The following SGSH variants were observed in gnomAD, a reference collection of about 807,000 sequenced individuals.
The protein encoded by SGSH is heparan sulfate sulfatase.
SGSH carries 48 observed loss-of-function variants against 51.0 expected under a neutral mutation model. The ratio of observed to expected loss-of-function variants is 0.94; its 90% CI spans 0.75 to 1.20. SGSH has a LOEUF of 1.20. Ranked by LOEUF, SGSH falls within the 50% of genes most tolerant of loss-of-function variation. The probability of loss-of-function intolerance (pLI) is 0.00; values close to 1 mark genes in which losing one functional copy is unlikely to be tolerated. For synonymous variants in SGSH, 321 were observed against 313.4 expected, an observed-to-expected ratio of 1.02 and a Z score of -0.26; for missense variants, 662 against 717.8, an observed-to-expected ratio of 0.92 and a Z score of 0.89.
rs1043643087 is a variant in SGSH, at chr17:80,220,308, G to T, written c.6C>A (p.Ser2Arg). Residue 2 changes from serine to arginine, a missense_variant, in exon 1 of 8, where the codon AGC (serine) becomes AGA (arginine). Transcript: ENST00000326317. The stretch of plus-strand genomic sequence containing the variant: ...GCGCGCAGCAGGCGGGCACGGGGCA[G>T]CTCATGGCGGCGGCGGCTCGGACTC... M[S>R]CPVPACCALL... 6.7e-7 allele frequency: 1 copy of T among 1,493,666 alleles called. No individual in the cohort carries two copies. The highest frequency in any genetic ancestry group is 2.1e-5 in the Admixed American group (1 of 46,590). The allele number at this position is 1,493,666 out of a possible 1,614,324, so 92.5% of individuals were successfully genotyped here.
chr17:80,213,781 A>G lies in SGSH; in HGVS notation c.745+23T>C. The G allele has an allele frequency of 6.3e-7, 1 of 1,583,156 alleles. No individual in the cohort carries two copies. Among genetic ancestry groups the G allele is most frequent in the South Asian group, 1.1e-5 (1 of 87,346 alleles). On this transcript the variant is annotated intron_variant, in intron 6 of 7. Coordinates refer to ENST00000326317, the MANE Select transcript of SGSH (RefSeq NM_000199.5). This position sits in a 1 kb window ranked among gnomAD's most constrained non-coding sequence, Gnocchi z 4.6. ...GGACCCCGGCCGTGGCACCCCCTCC[A>G]GTGCCCGGTTCTGCAAGCCCACCTT... is the stretch of plus-strand genomic sequence containing the variant.
rs550813464 is a variant in SGSH, at chr17:80,218,451, G to C, written c.89-1259C>G. ...CCCTGCTCTGGAGTAGAGGACACTG[G>C]GGGCACCACAGGAGAGGCTGGTGGG... On this transcript the variant is annotated intron_variant, in intron 1 of 7. Coordinates refer to ENST00000326317, the MANE Select transcript of SGSH (RefSeq NM_000199.5). Among the ~76,000 whole-genome samples the C allele has an allele frequency of 2.0e-5, 3 of 152,314 alleles. No homozygotes were observed. The East Asian group carries it at 5.8e-4, about 29-fold the overall frequency.
At chr17:80,201,386 C>T in the SGSH span, 6 of 255,694 alleles carry the variant, frequency 2.3e-5, no homozygotes, top group African/African-American at 1.2e-4. This position sits in a 1 kb window ranked among gnomAD's most constrained non-coding sequence, Gnocchi z 5.0. Flanking sequence ...AGAATGATCC[C>T]AAGGCTAAGA....
chr17:80,216,671 C>G, intron 2 of SGSH: 1 of 292,846 alleles, frequency 3.4e-6, no homozygotes, highest in East Asian at 6.7e-5. Context: ...TGGCGGTTCA[C>G]GCTGAGTGAG....
At position 80,213,959 on chromosome 17, in the gene SGSH, C is replaced by T; in HGVS notation, c.664-74G>A. ...GCGGTGTCCAGCCTTCTCCCCGGGGCCTCCTGCAAATGGGTTAGCCCAGAA... is the reference window on the plus strand; with the variant it reads ...GCGGTGTCCAGCCTTCTCCCCGGGGTCTCCTGCAAATGGGTTAGCCCAGAA... On this transcript the variant is annotated intron_variant, in intron 5 of 7. Coordinates refer to ENST00000326317, the MANE Select transcript of SGSH (RefSeq NM_000199.5). The surrounding 1 kb of genome is among the most constrained non-coding windows in gnomAD (Gnocchi z 4.6). 6.9e-7 allele frequency: 1 copy of T among 1,449,258 alleles called. No homozygotes were observed. The highest frequency in any genetic ancestry group is 1.2e-5 in the South Asian group (1 of 83,504). The allele number at this position is 1,449,258 out of a possible 1,614,324, so 89.8% of individuals were successfully genotyped here.
Position 80,213,907 on chromosome 17 carries a change from C to T in SGSH, c.664-22G>A. 1 of 1,589,260 alleles carries T rather than the reference C, an allele frequency of 6.3e-7. No individual in the cohort carries two copies. The highest frequency in any genetic ancestry group is 8.5e-7 in the Non-Finnish European group (1 of 1,172,492). On this transcript the variant is annotated intron_variant, in intron 5 of 7. Transcript: ENST00000326317. The surrounding 1 kb of genome is among the most constrained non-coding windows in gnomAD (Gnocchi z 4.6). Reference sequence around the variant, plus strand: ...GCACCTGGGGCAGGCGGTGGGGAGCCAGGCTTAGAACAGACAGACCGGGGG... The same window carrying T: ...GCACCTGGGGCAGGCGGTGGGGAGCTAGGCTTAGAACAGACAGACCGGGGG...
intron 3 of SGSH, 110 bp from the exon 4 acceptor site, chr17:80,214,875 A>T: frequency 7.1e-7 from 1 of 1,401,468 alleles, no homozygotes; most frequent in Non-Finnish European, 9.9e-7. Flanking sequence ...GTGGACACAC[A>T]GCCCAGCCAG....
chr17:80,216,191 T>C (rs1050456296), intron 2 of SGSH, among the ~76,000 whole-genome samples: 1 of 151,838 alleles, frequency 6.6e-6, no homozygotes, highest in African/African-American at 2.4e-5. Flanking sequence ...TAGACAGGCG[T>C]GGTGGCGCGC....
intron 2 of SGSH, 97 bp downstream of exon 2, chr17:80,216,935 C>G: frequency 8.1e-7 from 1 of 1,232,512 alleles, no homozygotes; most frequent in Non-Finnish European, 1.1e-6. Flanking sequence ...CAACACCCCC[C>G]GGGATCCCAG....
Position 80,210,775 on chromosome 17 carries a change from A to G in SGSH, c.1186T>C (p.Phe396Leu), listed in dbSNP as rs775569624. Reference protein sequence around the residue: ...LVHNLNFKMPFPIDQDFYVSP... With the variant: ...LVHNLNFKMPLPIDQDFYVSP... The stretch of plus-strand genomic sequence containing the variant: ...ACGTAGAAGTCCTGGTCGATGGGAA[A>G]GGGCATCTTGAAGTTGAGGTTGTGC... Residue 396 changes from phenylalanine to leucine, a missense_variant, in exon 8 of 8, where the codon TTT becomes CTT. Physicochemically the swap from Phe to Leu is conservative, Grantham distance 22. Coordinates refer to ENST00000326317, the MANE Select transcript of SGSH (RefSeq NM_000199.5). The G allele has an allele frequency of 6.2e-7, 1 of 1,614,028 alleles. No homozygotes were observed.
In SGSH at chr17:80,213,497, C is replaced by G; in HGVS notation, c.745+307G>C. On this transcript the variant is annotated intron_variant, in intron 6 of 7. Coordinates refer to ENST00000326317, the MANE Select transcript of SGSH (RefSeq NM_000199.5). The surrounding 1 kb of genome is among the most constrained non-coding windows in gnomAD (Gnocchi z 4.6). ...ACCTCAAGATCTCCATCTGCATATG[C>G]TAAGGAACTCCAAACCCCCAAATCT... 2.0e-6 allele frequency: 1 copy of G among 498,856 alleles called. No homozygotes were observed. The highest frequency in any genetic ancestry group is 2.5e-5 in the South Asian group (1 of 39,472). 30.9% of individuals were successfully genotyped at this position (498,856 alleles called of 1,614,324 possible). A position where few individuals can be genotyped will look rare whatever the true frequency, so the allele number is the denominator to read the frequency against.
At chr17:80,203,902 G>A (rs2041127774), downstream of SGSH, 2 of 1,582,126 alleles carry the variant, frequency 1.3e-6, no homozygotes, top group Non-Finnish European at 1.7e-6. This position sits in a 1 kb window ranked among gnomAD's most constrained non-coding sequence, Gnocchi z 4.6. Context: ...CTCCAGGGAG[G>A]GGCCTGGACC....
Position 80,210,040 on chromosome 17 carries a change from C to T in SGSH, c.*412G>A. On this transcript the variant is annotated 3_prime_UTR_variant, in exon 8 of 8. Coordinates refer to ENST00000326317, the MANE Select transcript of SGSH (RefSeq NM_000199.5). The stretch of plus-strand genomic sequence containing the variant: ...CTCTCTGTGAAGGGTTCAGAAGTAT[C>T]TGTGGCTGCCAAAGCCTGAAGAGGG... 1.8e-6 allele frequency: 2 copies of T among 1,101,762 alleles called. No homozygotes were observed. Among genetic ancestry groups the T allele is most frequent in the Non-Finnish European group, 2.2e-6 (2 of 899,526 alleles). The allele number at this position is 1,101,762 out of a possible 1,614,324, so 68.2% of individuals were successfully genotyped here.
intron 7 of SGSH, 139 bp downstream of exon 7, chr17:80,211,932 T>A (rs373966573): frequency 2.5e-5 from 18 of 729,868 alleles, no homozygotes; most frequent in Middle Eastern, 2.6e-4. Flanking sequence ...CTCTGTAGAG[T>A]GGGAGTGACA....
rs1431216461 is a variant in SGSH at position 80,213,776 on chromosome 17, C to G, written c.745+28G>C. 6.4e-7 allele frequency: 1 copy of G among 1,574,762 alleles called. No homozygotes were observed. The highest frequency in any genetic ancestry group is 8.6e-7 in the Non-Finnish European group (1 of 1,163,590). On this transcript the variant is annotated intron_variant, in intron 6 of 7. Coordinates refer to ENST00000326317, the MANE Select transcript of SGSH (RefSeq NM_000199.5). The surrounding 1 kb of genome is among the most constrained non-coding windows in gnomAD (Gnocchi z 4.6). ...ATGGGGGACCCCGGCCGTGGCACCCCCTCCAGTGCCCGGTTCTGCAAGCCC... is the reference window on the plus strand; with the variant it reads ...ATGGGGGACCCCGGCCGTGGCACCCGCTCCAGTGCCCGGTTCTGCAAGCCC...
downstream of SGSH, chr17:80,202,373 C>T (rs141122143): frequency 7.4e-6 from 12 of 1,613,254 alleles, no homozygotes; most frequent in African/African-American, 1.1e-4. Context: ...TGAACTCTTA[C>T]ACCATGAAGG....
Position 80,220,225 on chromosome 17 carries a change from C to G in SGSH, c.88+1G>C. ...CGTGGGGGGGCGGCGCCGGCACTCA[C>G]CGAGGAGCAGCAGTGCGTTCCGGGG... On this transcript the variant is annotated splice_donor_variant, in intron 1 of 7. Transcript: ENST00000326317. LOFTEE classifies it high-confidence loss of function. 6.6e-7 allele frequency: 1 copy of G among 1,518,816 alleles called. No homozygotes were observed. Among genetic ancestry groups the G allele is most frequent in the Non-Finnish European group, 8.8e-7 (1 of 1,139,496 alleles). The allele number at this position is 1,518,816 out of a possible 1,614,324, so 94.1% of individuals were successfully genotyped here.
chr17:80,202,270 G>C (rs1229043148), downstream of SGSH: 6 of 1,613,860 alleles, frequency 3.7e-6, no homozygotes, highest in African/African-American at 1.3e-5. Context: ...ATGGAGGGCA[G>C]GGCCAAAGGG....
downstream of SGSH, chr17:80,202,537 C>A: frequency 6.8e-7 from 1 of 1,479,680 alleles, no homozygotes; most frequent in East Asian, 2.4e-5. Flanking sequence ...GGTGAGACCC[C>A]CCTAAGGAGG....
Sources: gnomAD v4.1 joint callset for allele counts (sites outside exome capture counted in the v4.1 genomes callset) on GRCh38, gnomAD v4.1.1 for gene constraint, Gnocchi (gnomAD v3.1) non-coding constraint, MANE v1.5 for transcripts, NCBI Gene and HGNC (gene_info 2026-07-23, HGNC 2026-07-21) for gene names.